C11orf97: variants seen among roughly 807,000 people sequenced by gnomAD.
C11orf97 encodes the protein chromosome 11 open reading frame 97, also known as uncharacterized protein C11orf97.
C11orf97 carries 15 observed loss-of-function variants against 16.2 expected under a neutral mutation model. That is an observed-to-expected ratio of 0.93 (90% confidence interval 0.62 to 1.43). The LOEUF is 1.43. Ranked by LOEUF, C11orf97 falls within the 40% of genes most tolerant of loss-of-function variation. C11orf97 has a pLI of 0.00. For missense variants in C11orf97, 171 were observed against 161.2 expected (o/e 1.06, Z -0.33); for synonymous variants, 61 against 65.7 (o/e 0.93, Z 0.34).
chr11:94,522,076 CCA>C (rs1947661701), intron 2 of C11orf97, among the ~76,000 whole-genome samples: 1 of 152,130 alleles, frequency 6.6e-6, no homozygotes, highest in African/African-American at 2.4e-5. Flanking sequence ...GGAGTGTTTC[CCA>C]CAGTCTTGTA....
rs1487007464 is a variant in C11orf97, at chr11:94,512,599, C to T, written c.71C>T (p.Pro24Leu). The change falls in exon 1 of 4, where the codon CCT becomes CTT. Residue 24 changes from proline (P) to leucine (L), a missense_variant. Coordinates refer to ENST00000542198, the MANE Select transcript of C11orf97 (RefSeq NM_001190462.2). Reference protein sequence around the residue: ...APKAGREEEQPPPPAGLGCGA... With the variant: ...APKAGREEEQLPPPAGLGCGA... Reference sequence around the variant, plus strand: ...AAGGCGGGTCGCGAAGAGGAGCAGCCTCCTCCGCCAGCAGGGCTGGGGTGC... The same window carrying T: ...AAGGCGGGTCGCGAAGAGGAGCAGCTTCCTCCGCCAGCAGGGCTGGGGTGC... The T allele has an allele frequency of 3.9e-6, 5 of 1,279,560 alleles. No homozygotes were observed. The highest frequency in any genetic ancestry group is 6.2e-5 in the East Asian group (2 of 32,046). The allele number at this position is 1,279,560 out of a possible 1,614,324, so 79.3% of individuals were successfully genotyped here. A position where few individuals can be genotyped will look rare whatever the true frequency, so the allele number is the denominator to read the frequency against.
intron 3 of C11orf97, among the ~76,000 whole-genome samples, chr11:94,530,213 T>C (rs1195743457): frequency 6.6e-6 from 1 of 152,228 alleles, no homozygotes; most frequent in Non-Finnish European, 1.5e-5. Flanking sequence ...CCACACTACA[T>C]TCCTAGTAGC....
chr11:94,524,586 G>GAA (rs56304137), intron 2 of C11orf97, among the ~76,000 whole-genome samples: 64,576 of 115,248 alleles, frequency 0.56, 18,778 homozygotes, highest in East Asian at 0.64. Flanking sequence ...ACCTCATCCT[G>GAA]AAAAAAAAAA....
intron 3 of C11orf97, among the ~76,000 whole-genome samples, chr11:94,531,695 T>C (rs1270604372): frequency 6.6e-6 from 1 of 152,112 alleles, no homozygotes; most frequent in African/African-American, 2.4e-5. Flanking sequence ...ATGCTGCTTG[T>C]CCGGAAACTA....
At chr11:94,526,088 C>T (rs1457749810) in intron 2 of C11orf97, among the ~76,000 whole-genome samples, 5 of 152,114 alleles carry the variant, frequency 3.3e-5, no homozygotes, top group Non-Finnish European at 5.9e-5. Context: ...TGAGAGGAGT[C>T]GACACTTGAA....
rs117891781 is a variant in C11orf97 at position 94,518,821 on chromosome 11, G to A, written c.250+1134G>A. Among the ~76,000 whole-genome samples the A allele has an allele frequency of 9.6e-4, 146 of 152,226 alleles. 1 individual carries two copies. The East Asian group carries it at 0.021, about 22-fold the overall frequency. On this transcript the variant is annotated intron_variant, in intron 2 of 3. Coordinates refer to ENST00000542198, the MANE Select transcript of C11orf97 (RefSeq NM_001190462.2). ...GAATTGTTGGTCAACCTGCAAGTGAGGTCCAAATTCACTAAGGATTCCTAA... is the reference window on the plus strand; with the variant it reads ...GAATTGTTGGTCAACCTGCAAGTGAAGTCCAAATTCACTAAGGATTCCTAA...
intron 2 of C11orf97, among the ~76,000 whole-genome samples, chr11:94,519,637 A>G (rs73519598): frequency 0.053 from 8,128 of 152,306 alleles, 754 homozygotes; most frequent in African/African-American, 0.19. Flanking sequence ...CTTTATATAA[A>G]ATGAAGACTG....
chr11:94,519,176 G>A (rs1947637678), intron 2 of C11orf97, among the ~76,000 whole-genome samples: 1 of 152,150 alleles, frequency 6.6e-6, no homozygotes, highest in Admixed American at 6.5e-5. Context: ...CCAATGTGCT[G>A]GCATTACAGG....
intron 2 of C11orf97, among the ~76,000 whole-genome samples, chr11:94,518,149 G>GAAAAAAAAAA (rs370762855): frequency 1.8e-5 from 2 of 108,962 alleles, no homozygotes; most frequent in Non-Finnish European, 1.8e-5. Context: ...CTCCATATCA[G>GAAAAAAAAAA]AAAAAAAAAA....
intron 3 of C11orf97, among the ~76,000 whole-genome samples, chr11:94,528,492 CA>C (rs774275955): frequency 6.6e-6 from 1 of 152,238 alleles, no homozygotes; most frequent in Non-Finnish European, 1.5e-5. Flanking sequence ...GACTTTCTAG[CA>C]CACAGTCAGC....
intron 2 of C11orf97, among the ~76,000 whole-genome samples, chr11:94,520,870 G>T (rs1056057922): frequency 2.6e-5 from 4 of 152,120 alleles, no homozygotes; most frequent in Non-Finnish European, 1.5e-5. Flanking sequence ...AACATAAATC[G>T]TTACATGTCA....
intron 1 of C11orf97, 77 bp downstream of exon 1, chr11:94,512,750 C>T (rs61893737): frequency 1.6e-6 from 2 of 1,222,422 alleles, no homozygotes; most frequent in Non-Finnish European, 2.0e-6. Flanking sequence ...TGGGGGAAAC[C>T]GCAGTGGGAC....
intron 2 of C11orf97, among the ~76,000 whole-genome samples, chr11:94,521,193 T>C (rs1450503828): frequency 2.0e-5 from 3 of 152,266 alleles, no homozygotes; most frequent in Non-Finnish European, 4.4e-5. Flanking sequence ...TTCTAATCCC[T>C]ATACTGCTTT....
At chr11:94,530,596 G>A (rs951173313) in intron 3 of C11orf97, among the ~76,000 whole-genome samples, 1 of 152,222 alleles carries the variant, frequency 6.6e-6, no homozygotes, top group Admixed American at 6.5e-5. Context: ...ACTTAGCACA[G>A]TGCCTGGCAC....
intron 2 of C11orf97, among the ~76,000 whole-genome samples, chr11:94,519,394 C>T (rs1173826882): frequency 6.6e-6 from 1 of 152,166 alleles, no homozygotes. Flanking sequence ...AGCTGGGAAG[C>T]CCCGCCTACA....
In C11orf97 at chr11:94,512,570, G is replaced by T; in HGVS notation, c.42G>T (p.Ala14=). The change falls in exon 1 of 4, where the codon GCG becomes GCT. Residue 14 remains alanine (A), a synonymous_variant. Coordinates refer to ENST00000542198, the MANE Select transcript of C11orf97 (RefSeq NM_001190462.2). The stretch of plus-strand genomic sequence containing the variant: ...CGGTGGTGGTGACCGCAGTGGTGGC[G>T]CCCAAGGCGGGTCGCGAAGAGGAGC... The part of the protein sequence containing the change: ...EEAVVVTAVV[A]PKAGREEEQP... 7.7e-7 allele frequency: 1 copy of T among 1,305,320 alleles called. No individual in the cohort carries two copies. Among genetic ancestry groups the T allele is most frequent in the Non-Finnish European group, 9.7e-7 (1 of 1,026,642 alleles). 80.9% of individuals were successfully genotyped at this position (1,305,320 alleles called of 1,614,324 possible).
At chr11:94,521,601 A>C (rs1332047437) in intron 2 of C11orf97, among the ~76,000 whole-genome samples, 1 of 152,166 alleles carries the variant, frequency 6.6e-6, no homozygotes, top group Non-Finnish European at 1.5e-5. Flanking sequence ...ATTTCTTTAC[A>C]TACTTCTTTA....
chr11:94,513,224 A>G (rs1356403089), intron 1 of C11orf97, among the ~76,000 whole-genome samples: 1 of 152,166 alleles, frequency 6.6e-6, no homozygotes, highest in African/African-American at 2.4e-5. Flanking sequence ...TCTCATAATT[A>G]TGGGCTACAT....
chr11:94,512,751 G>A, intron 1 of C11orf97, 78 bp downstream of exon 1: 5 of 1,221,604 alleles, frequency 4.1e-6, no homozygotes, highest in Non-Finnish European at 5.1e-6. Flanking sequence ...GGGGGAAACC[G>A]CAGTGGGACT....
Sources: allele counts gnomAD v4.1 joint callset (sites outside exome capture counted in the v4.1 genomes callset), GRCh38; gene constraint gnomAD v4.1.1; transcripts MANE v1.5; gene names NCBI Gene and HGNC (gene_info 2026-07-23, HGNC 2026-07-21).